POLR1A: variants seen among roughly 807,000 people sequenced by gnomAD.
The protein encoded by POLR1A is RNA polymerase I subunit A, also known as DNA-directed RNA polymerase I subunit RPA1.
POLR1A carries 84 observed loss-of-function variants against 205.3 expected under a neutral mutation model. The observed-to-expected ratio is 0.41, with a 90% CI of 0.34 to 0.49. POLR1A has a LOEUF of 0.49. Ranked by LOEUF, POLR1A falls within the 20% of genes least tolerant of loss-of-function variation. The probability of loss-of-function intolerance (pLI) is 0.22; values close to 1 mark genes in which losing one functional copy is unlikely to be tolerated. For synonymous variants in POLR1A, 799 were observed against 863.7 expected (o/e 0.93, Z 1.31); for missense variants, 1,645 against 2,204.5 (o/e 0.75, Z 5.08).
At chr2:86,079,200 A>T (rs1182180695) in intron 9 of POLR1A, among the ~76,000 whole-genome samples, 1 of 152,234 alleles carries the variant, frequency 6.6e-6, no homozygotes, top group Admixed American at 6.5e-5. Context: ...CTTTAGCTCT[A>T]GGGAAAATAG....
intron 21 of POLR1A, 122 bp downstream of exon 21, chr2:86,045,156 G>T: frequency 1.5e-6 from 1 of 664,822 alleles, no homozygotes. Flanking sequence ...GGCCATTCAT[G>T]GAAACTTTCC....
intron 14 of POLR1A, among the ~76,000 whole-genome samples, chr2:86,063,838 G>A (rs1673042601): frequency 6.6e-6 from 1 of 152,176 alleles, no homozygotes; most frequent in Non-Finnish European, 1.5e-5. Flanking sequence ...GGCATTTTAT[G>A]TATAAATTTC....
At position 86,043,019 on chromosome 2, in the gene POLR1A, T is replaced by C; in HGVS notation, c.3312A>G (p.Lys1104=). The part of the protein sequence containing the change: ...QKIQEAVKAL[K]LESENRNGRS... ...GGCCATTGCGGTTTTCACTCTCAAG[T>C]TTCAGGGCTTTCACAGCTTCCTGAA... is the stretch of plus-strand genomic sequence containing the variant. The change falls in exon 23 of 34, where the codon AAA becomes AAG. Residue 1104 remains lysine, a synonymous_variant. Transcript: ENST00000263857. The C allele has an allele frequency of 6.2e-7, 1 of 1,614,184 alleles. No individual in the cohort carries two copies. Among genetic ancestry groups the C allele is most frequent in the African/African-American group, 1.3e-5 (1 of 75,054 alleles).
At position 86,030,238 on chromosome 2, in the gene POLR1A, G is replaced by T; in HGVS notation, c.4737C>A (p.Asn1579Lys). The change falls in exon 31 of 34, where the codon AAC becomes AAA. Residue 1579 changes from asparagine to lysine, a missense_variant. Asn to Lys is a moderately conservative substitution (Grantham distance 94). Transcript: ENST00000263857. Reference protein sequence around the residue: ...NNKNEKELVLNTEGINLPELF... With the variant: ...NNKNEKELVLKTEGINLPELF... ...GCTCTGGGAGGTTGATTCCTTCTGT[G>T]TTTAGCACAAGCTCCTTCTCGTTCT... The T allele has an allele frequency of 6.2e-7, 1 of 1,614,228 alleles. No individual in the cohort carries two copies. Among genetic ancestry groups the T allele is most frequent in the African/African-American group, 1.3e-5 (1 of 75,072 alleles).
In POLR1A at chr2:86,077,440, A is replaced by G. The variant is rs191190795; in HGVS notation, c.1380+419T>C. On this transcript the variant is annotated intron_variant, in intron 11 of 33. Transcript: ENST00000263857. ...TGGGGTACACATTTCTGATGCCTGGAAAGTACACAGGACTGATAACTGATA... is the reference window on the plus strand; with the variant it reads ...TGGGGTACACATTTCTGATGCCTGGGAAGTACACAGGACTGATAACTGATA... 7.2e-4 allele frequency among the ~76,000 whole-genome samples: 110 copies of G among 152,290 alleles called. 1 individual carries two copies. The highest frequency in any genetic ancestry group is 2.9e-5 in the Non-Finnish European group (2 of 68,024).
At chr2:86,091,381 A>C (rs977629679) in intron 3 of POLR1A, among the ~76,000 whole-genome samples, 2 of 152,162 alleles carry the variant, frequency 1.3e-5, no homozygotes, top group Non-Finnish European at 2.9e-5. Flanking sequence ...TCAGCCTCCC[A>C]AAGTGCTAGG....
In POLR1A at chr2:86,038,850, T is replaced by C. The variant is rs1442794117; in HGVS notation, c.3884A>G (p.Gln1295Arg). 6.2e-7 allele frequency: 1 copy of C among 1,614,114 alleles called. No homozygotes were observed. Residue 1295 changes from glutamine (Q) to arginine (R), a missense_variant, in exon 27 of 34, where the codon CAG becomes CGG. Gln to Arg is a conservative substitution (Grantham distance 43, BLOSUM62 1). Transcript: ENST00000263857. ...LTRVCLGEVL[Q>R]KIDVQESFCM... The stretch of plus-strand genomic sequence containing the variant: ...GAAGGACTCCTGGACGTCAATTTTC[T>C]GCAACACCTGGAACCAGACGGACAG...
intron 3 of POLR1A, among the ~76,000 whole-genome samples, chr2:86,093,438 C>T (rs1023354242): frequency 1.1e-4 from 16 of 152,144 alleles, no homozygotes; most frequent in African/African-American, 3.9e-4. Context: ...ACAAATATGA[C>T]CGTGATACGA....
chr2:86,030,191 C>G lies in POLR1A; in HGVS notation c.4779+5G>C. On this transcript the variant is annotated splice_donor_5th_base_variant and intron_variant, in intron 31 of 33. Coordinates refer to ENST00000263857, the MANE Select transcript of POLR1A (RefSeq NM_015425.6). ...TGTCCCAGGCCAGCAGACAGCCTGT[C>G]TTACCTCTGCATACTTGAATAGCTC... 1 of 1,612,296 alleles carries G rather than the reference C, an allele frequency of 6.2e-7. No individual in the cohort carries two copies. Among genetic ancestry groups the G allele is most frequent in the Non-Finnish European group, 8.5e-7 (1 of 1,178,284 alleles).
intron 13 of POLR1A, among the ~76,000 whole-genome samples, chr2:86,067,350 T>C (rs1224809358): frequency 2.6e-5 from 4 of 152,206 alleles, no homozygotes; most frequent in Non-Finnish European, 5.9e-5. Flanking sequence ...TTGAATTTTC[T>C]AGCTGACTAA....
intron 27 of POLR1A, chr2:86,036,994 G>C (rs1319403717): frequency 6.6e-6 from 1 of 152,240 alleles, no homozygotes; most frequent in East Asian, 1.9e-4. Flanking sequence ...GGCTGGCCTG[G>C]GCCTCCTGTG....
chr2:86,057,595 G>C (rs1300996530), intron 14 of POLR1A, among the ~76,000 whole-genome samples: 1 of 152,176 alleles, frequency 6.6e-6, no homozygotes, highest in Non-Finnish European at 1.5e-5. Context: ...AATGGATACA[G>C]AGGAAACAAT....
chr2:86,083,551 T>A (rs1673442056), intron 6 of POLR1A, among the ~76,000 whole-genome samples: 1 of 152,222 alleles, frequency 6.6e-6, no homozygotes, highest in Non-Finnish European at 1.5e-5. Flanking sequence ...TAGTATCATC[T>A]CATCAGCATG....
At position 86,105,838 on chromosome 2, in the gene POLR1A, C is replaced by G; in HGVS notation, c.-62G>C. 7.1e-7 allele frequency: 1 copy of G among 1,412,336 alleles called. No homozygotes were observed. The highest frequency in any genetic ancestry group is 1.0e-6 in the Non-Finnish European group (1 of 1,001,458). 87.5% of individuals were successfully genotyped at this position (1,412,336 alleles called of 1,614,324 possible). On this transcript the variant is annotated 5_prime_UTR_variant, in exon 1 of 34. Transcript: ENST00000263857. ...ACGTTCCACTCACCACCTGACTATT[C>G]TTAATTCAACCTCAAGCCCGGAGTC... is the stretch of plus-strand genomic sequence containing the variant.
intron 13 of POLR1A, among the ~76,000 whole-genome samples, chr2:86,068,396 G>GGT: frequency 8.9e-6 from 1 of 112,792 alleles, no homozygotes. Context: ...CGGGGGGGGG[G>GGT]GGCGGGTGTC....
At chr2:86,099,664 A>G (rs773029712) in intron 2 of POLR1A, among the ~76,000 whole-genome samples, 7 of 152,166 alleles carry the variant, frequency 4.6e-5, no homozygotes, top group Non-Finnish European at 1.0e-4. Flanking sequence ...AGATTTCTGA[A>G]GAGCACAAAG....
chr2:86,028,703 A>G lies in POLR1A; in HGVS notation c.4788T>C (p.Asp1596=), dbSNP rs1308985659. Residue 1596 remains aspartate, a synonymous_variant, in exon 32 of 34, where the codon GAT becomes GAC. Transcript: ENST00000263857. This position sits in a 1 kb window ranked among gnomAD's most constrained non-coding sequence, Gnocchi z 4.5. ...TGTCGTTGGAGTAGAGGCGGCGCAG[A>G]TCCAGGACCTGGAGAGAGGAAGGAA... ...PELFKYAEVL[D]LRRLYSNDIH... is the part of the protein sequence containing the mutation. The G allele has an allele frequency of 4.3e-6, 7 of 1,613,268 alleles. No individual in the cohort carries two copies. In the African/African-American group the frequency reaches 6.7e-5, roughly 15 times the overall value.
rs1486300459 is a variant in POLR1A at position 86,105,849 on chromosome 2, C to T, written c.-73G>A. On this transcript the variant is annotated 5_prime_UTR_variant, in exon 1 of 34. Coordinates refer to ENST00000263857, the MANE Select transcript of POLR1A (RefSeq NM_015425.6). ...ACCACCTGACTATTCTTAATTCAAC[C>T]TCAAGCCCGGAGTCACCACGCGATT... The T allele has an allele frequency of 5.1e-6, 7 of 1,372,226 alleles. No homozygotes were observed. The highest frequency in any genetic ancestry group is 7.2e-6 in the Non-Finnish European group (7 of 969,004). 85.0% of individuals were successfully genotyped at this position (1,372,226 alleles called of 1,614,324 possible). A position where few individuals can be genotyped will look rare whatever the true frequency, so the allele number is the denominator to read the frequency against.
At position 86,028,726 on chromosome 2, in the gene POLR1A, G is replaced by A. The variant is rs764589818; in HGVS notation, c.4780-15C>T. Reference sequence around the variant, plus strand: ...AGATCCAGGACCTGGAGAGAGGAAGGAAGGGATTTATTTAGAGGGCCTGGC... The same window carrying A: ...AGATCCAGGACCTGGAGAGAGGAAGAAAGGGATTTATTTAGAGGGCCTGGC... On this transcript the variant is annotated splice_polypyrimidine_tract_variant and intron_variant, in intron 31 of 33. Transcript: ENST00000263857. This position sits in a 1 kb window ranked among gnomAD's most constrained non-coding sequence, Gnocchi z 4.5. 23 of 1,597,894 alleles carry A rather than the reference G, an allele frequency of 1.4e-5. No individual in the cohort carries two copies. In the South Asian group the frequency reaches 2.4e-4, roughly 17 times the overall value.
Sources: gnomAD v4.1 joint callset for allele counts (sites outside exome capture counted in the v4.1 genomes callset) on GRCh38, gnomAD v4.1.1 for gene constraint, Gnocchi (gnomAD v3.1) non-coding constraint, MANE v1.5 for transcripts, NCBI Gene and HGNC (gene_info 2026-07-23, HGNC 2026-07-21) for gene names.